The following SLC14A2 variants were observed in gnomAD, a reference collection of about 807,000 sequenced individuals.
SLC14A2 encodes the protein urea transporter 2.
In SLC14A2, 91 loss-of-function variants were observed where a neutral mutation model predicts 104.6. That is an observed-to-expected ratio of 0.87 (90% CI 0.73 to 1.04). The LOEUF (loss-of-function observed/expected upper bound fraction) is 1.04. Ranked by LOEUF, SLC14A2 falls within the 50% of genes least tolerant of loss-of-function variation. The pLI, the probability that SLC14A2 is intolerant of heterozygous loss-of-function variation, is 0.00. For missense variants in SLC14A2, 1,189 were observed against 1,156.0 expected (o/e 1.03, Z -0.41); for synonymous variants, 476 against 466.4 (o/e 1.02, Z -0.27).
intron 1 of SLC14A2, among the ~76,000 whole-genome samples, chr18:45,318,512 G>A (rs963666891): frequency 6.6e-6 from 1 of 152,128 alleles, no homozygotes; most frequent in Non-Finnish European, 1.5e-5. Flanking sequence ...CTTGGGTGAG[G>A]CGCGGTGACT....
At chr18:45,314,835 A>G (rs544078631) in intron 1 of SLC14A2, among the ~76,000 whole-genome samples, 1 of 152,348 alleles carries the variant, frequency 6.6e-6, no homozygotes, top group East Asian at 1.9e-4. Context: ...TGCATGTGAG[A>G]CACTGGAGTA....
chr18:45,249,255 A>AT (rs1181046481), intron 1 of SLC14A2, among the ~76,000 whole-genome samples: 2 of 149,186 alleles, frequency 1.3e-5, no homozygotes, highest in Non-Finnish European at 1.5e-5. Context: ...CTATTATAAA[A>AT]TTTTTTTTGC....
In SLC14A2 at chr18:45,463,111, C is replaced by T. The variant is rs1417671441; in HGVS notation, c.-124-20122C>T. ...CAACCCCTGACGCAATAACCAGTTC[C>T]ATCTTCTCCTACTCACATGGTGGCT... On this transcript the variant is annotated intron_variant, in intron 1 of 20. Transcript: ENST00000586448. 5.3e-5 allele frequency among the ~76,000 whole-genome samples: 8 copies of T among 152,184 alleles called. No individual in the cohort carries two copies. The East Asian group carries it at 1.3e-3, about 26-fold the overall frequency.
chr18:45,621,596 C>A (rs1769985676), intron 1 of SLC14A2, among the ~76,000 whole-genome samples: 1 of 152,216 alleles, frequency 6.6e-6, no homozygotes, highest in African/African-American at 2.4e-5. Context: ...CTCCCCCCCA[C>A]CTCTTCCTTC....
chr18:45,227,597 T>C (rs2084132358), intron 1 of SLC14A2, among the ~76,000 whole-genome samples: 1 of 152,234 alleles, frequency 6.6e-6, no homozygotes, highest in African/African-American at 2.4e-5. Context: ...TGATCACCTC[T>C]TAAAGGCCCC....
intron 1 of SLC14A2, among the ~76,000 whole-genome samples, chr18:45,372,316 C>T (rs868584738): frequency 6.7e-6 from 1 of 148,478 alleles, no homozygotes; most frequent in African/African-American, 2.5e-5. Context: ...GTCTCAAAAA[C>T]AATAATAATA....
chr18:45,230,145 G>T (rs887777435), intron 1 of SLC14A2, among the ~76,000 whole-genome samples: 4 of 152,164 alleles, frequency 2.6e-5, no homozygotes, highest in Non-Finnish European at 1.5e-5. Flanking sequence ...ACTGCCAGGT[G>T]CCTTTCAATT....
intron 1 of SLC14A2, among the ~76,000 whole-genome samples, chr18:45,473,181 G>T (rs962085775): frequency 6.6e-6 from 1 of 152,152 alleles, no homozygotes; most frequent in Non-Finnish European, 1.5e-5. Context: ...AAGATCAGAT[G>T]GTTGTAGATG....
intron 1 of SLC14A2, among the ~76,000 whole-genome samples, chr18:45,408,709 T>G (rs183955074): frequency 1.7e-3 from 258 of 152,220 alleles, no homozygotes; most frequent in South Asian, 0.011. Context: ...ACCATGTATT[T>G]GAAACTACAT....
chr18:45,392,166 G>A (rs1323205298), intron 1 of SLC14A2, among the ~76,000 whole-genome samples: 4 of 152,178 alleles, frequency 2.6e-5, no homozygotes, highest in South Asian at 2.1e-4. Flanking sequence ...TCCTTGGAGT[G>A]GGCAAAGTGA....
intron 1 of SLC14A2, among the ~76,000 whole-genome samples, chr18:45,339,553 AACAC>A (rs753471580): frequency 1.3e-5 from 2 of 151,624 alleles, no homozygotes; most frequent in Non-Finnish European, 2.9e-5. Flanking sequence ...GATTAAAATG[AACAC>A]ACACACACAC....
chr18:45,359,250 G>A (rs981299235), intron 1 of SLC14A2, among the ~76,000 whole-genome samples: 2 of 152,172 alleles, frequency 1.3e-5, no homozygotes, highest in Admixed American at 6.5e-5. Flanking sequence ...GGAAGAGTGG[G>A]CTGAGGTGGA....
chr18:45,222,459 TAC>T (rs1168271994), intron 1 of SLC14A2, among the ~76,000 whole-genome samples: 1 of 152,160 alleles, frequency 6.6e-6, no homozygotes, highest in African/African-American at 2.4e-5. Context: ...ATGTGAGAAG[TAC>T]AGACAGTTCT....
chr18:45,430,539 A>G (rs1320981011), intron 1 of SLC14A2, among the ~76,000 whole-genome samples: 3 of 143,282 alleles, frequency 2.1e-5, no homozygotes, highest in Admixed American at 6.8e-5. Context: ...TGTGGAAGGG[A>G]AGTTATTTTA....
At chr18:45,287,828 G>A (rs1219188000) in intron 1 of SLC14A2, among the ~76,000 whole-genome samples, 1 of 151,968 alleles carries the variant, frequency 6.6e-6, no homozygotes, top group African/African-American at 2.4e-5. Flanking sequence ...GCTGATACCA[G>A]CGGCTGTGGA....
intron 1 of SLC14A2, among the ~76,000 whole-genome samples, chr18:45,383,233 T>C (rs55864828): frequency 2.0e-5 from 3 of 152,252 alleles, no homozygotes; most frequent in Non-Finnish European, 2.9e-5. Context: ...TTTCCCATAA[T>C]CCCATTCAGC....
the SLC14A2 span, among the ~76,000 whole-genome samples, chr18:45,187,728 G>T: frequency 6.6e-6 from 1 of 151,638 alleles, no homozygotes; most frequent in East Asian, 1.9e-4. Context: ...TCTATGTTCT[G>T]CTAATTACTC....
rs547372857 is a variant in SLC14A2, at chr18:45,222,003, A to G, written c.-125+8812A>G. Among the ~76,000 whole-genome samples, 415 of 152,270 alleles carry G rather than the reference A, an allele frequency of 2.7e-3. 4 individuals carry two copies. Among genetic ancestry groups the G allele is most frequent in the African/African-American group, 9.5e-3 (395 of 41,558 alleles). On this transcript the variant is annotated intron_variant, in intron 1 of 20. Coordinates refer to the SLC14A2 transcript ENST00000586448. ...ACATTTTTGGCTATTTTCTCAATGA[A>G]ACAACAAAGCTCAGAAGTCCATTAA...
chr18:45,365,068 A>G (rs150884729), intron 1 of SLC14A2, among the ~76,000 whole-genome samples: 32 of 152,284 alleles, frequency 2.1e-4, no homozygotes, highest in African/African-American at 7.7e-4. Context: ...GAATAGGGGA[A>G]TAGGGGTCTT....
Sources: allele counts gnomAD v4.1 joint callset (sites outside exome capture counted in the v4.1 genomes callset), GRCh38; gene constraint gnomAD v4.1.1; transcripts MANE v1.5; gene names NCBI Gene and HGNC (gene_info 2026-07-23, HGNC 2026-07-21).